Variants in RNF213 observed in about 807,000 individuals in gnomAD.
RNF213 encodes E3 ubiquitin-protein ligase RNF213.
RNF213 carries 341 observed loss-of-function variants against 514.4 expected under a neutral mutation model. That is an observed-to-expected ratio of 0.66 (90% CI 0.61 to 0.73). The LOEUF (loss-of-function observed/expected upper bound fraction) is 0.73. Among genes scored for constraint, RNF213 ranks in the 30% least tolerant of loss-of-function variants. The pLI is 0.00. For synonymous variants in RNF213, 2,655 were observed against 2,658.2 expected, an observed-to-expected ratio of 1.00 and a Z score of 0.04; for missense variants, 5,767 against 6,615.6, an observed-to-expected ratio of 0.87 and a Z score of 4.45.
Position 80,363,619 on chromosome 17 carries a change from C to T in RNF213, c.11579C>T (p.Ala3860Val), listed in dbSNP as rs763352385. ...ELAGCEMTLD[A>V]FAAMACTEML... is the part of the protein sequence containing the mutation. Reference sequence around the variant, plus strand: ...TGTCCGTCTCCCCAGACCCTGGACGCATTTGCCGCAATGGCCTGCACGGAG... The same window carrying T: ...TGTCCGTCTCCCCAGACCCTGGACGTATTTGCCGCAATGGCCTGCACGGAG... The change falls in exon 41 of 68, where the codon GCA becomes GTA. Residue 3860 changes from alanine (A) to valine (V), a missense_variant. Ala to Val is a moderately conservative substitution (Grantham distance 64). Coordinates refer to ENST00000582970, the MANE Select transcript of RNF213 (RefSeq NM_001256071.3). 1.1e-5 allele frequency: 17 copies of T among 1,613,820 alleles called. No individual in the cohort carries two copies. In the South Asian group the frequency reaches 1.4e-4, roughly 14 times the overall value.
At chr17:80,365,954 A>G (rs1456272831) in intron 42 of RNF213, among the ~76,000 whole-genome samples, 2 of 152,130 alleles carry the variant, frequency 1.3e-5, no homozygotes, top group Admixed American at 1.3e-4. Flanking sequence ...TTGGCGATAA[A>G]ATGGCCTCAG....
At chr17:80,297,088 A>G (rs769730543) in intron 10 of RNF213, among the ~76,000 whole-genome samples, 1 of 152,146 alleles carries the variant, frequency 6.6e-6, no homozygotes, top group Non-Finnish European at 1.5e-5. Flanking sequence ...AAGTATGAGG[A>G]ATCATTAATA....
intron 10 of RNF213, 117 bp from the exon 11 acceptor site, chr17:80,298,204 C>T (rs190821352): frequency 2.3e-5 from 24 of 1,046,108 alleles, no homozygotes; most frequent in South Asian, 8.1e-5. Flanking sequence ...CTCAGCCACG[C>T]GCGGTGCTCC....
chr17:80,273,750 GC>G (rs1271538219), intron 3 of RNF213, among the ~76,000 whole-genome samples: 1 of 151,388 alleles, frequency 6.6e-6, no homozygotes, highest in East Asian at 2.0e-4. Flanking sequence ...CTCCCAAGTA[GC>G]TGGGACTACA....
chr17:80,346,503 A>T lies in RNF213; in HGVS notation c.8168A>T (p.Asp2723Val), dbSNP rs2078317677. The T allele has an allele frequency of 3.7e-6, 6 of 1,613,760 alleles. No homozygotes were observed. In the South Asian group the frequency reaches 6.6e-5, roughly 18 times the overall value. Residue 2723 changes from aspartate (D) to valine (V), a missense_variant, in exon 29 of 68, where the codon GAT becomes GTT. Asp to Val is a radical substitution (Grantham distance 152, BLOSUM62 -3). Transcript: ENST00000582970. This position sits in a 1 kb window ranked among gnomAD's most constrained non-coding sequence, Gnocchi z 8.1. Reference sequence around the variant, plus strand: ...TATGACGACAGCAGGCTGCTTCTGGATGAAATAACACGGGCACAGGATCTT... The same window carrying T: ...TATGACGACAGCAGGCTGCTTCTGGTTGAAATAACACGGGCACAGGATCTT... ...KPYDDSRLLL[D>V]EITRAQDLFL... is the part of the protein sequence containing the mutation.
At chr17:80,349,364 A>G (rs548957927) in intron 29 of RNF213, among the ~76,000 whole-genome samples, 1 of 152,192 alleles carries the variant, frequency 6.6e-6, no homozygotes, top group East Asian at 1.9e-4. Context: ...CCTTTGGGAC[A>G]GGAGAATTGC....
At chr17:80,295,482 T>C in intron 9 of RNF213, 75 bp from the exon 10 acceptor site, 1 of 1,580,172 alleles carries the variant, frequency 6.3e-7, no homozygotes, top group Non-Finnish European at 8.7e-7. Context: ...CTAGCTGTGG[T>C]GCTGGGGCAG....
chr17:80,326,295 A>G (rs368092028), intron 18 of RNF213, among the ~76,000 whole-genome samples: 2 of 152,238 alleles, frequency 1.3e-5, no homozygotes, highest in African/African-American at 2.4e-5. Context: ...CAGCCTGTTT[A>G]TAAGTTGGAT....
In RNF213 at chr17:80,351,552, G is replaced by A. The variant is rs1428665528; in HGVS notation, c.10185-133G>A. 3 of 633,434 alleles carry A rather than the reference G, an allele frequency of 4.7e-6. No individual in the cohort carries two copies. The African/African-American group carries it at 5.6e-5, about 12-fold the overall frequency. The allele number at this position is 633,434 out of a possible 1,614,324, so 39.2% of individuals were successfully genotyped here. On this transcript the variant is annotated intron_variant, in intron 31 of 67. Transcript: ENST00000582970. ...AGTTTATGTAAAACTCATCGGAACG[G>A]GTGGCCGTGAGACCGAACCAACAGC...
rs2080694619 is a variant in RNF213 at position 80,397,886 on chromosome 17, G to A, written c.*4388G>A. The A allele has an allele frequency of 6.8e-6, 1 of 147,302 alleles. No individual in the cohort carries two copies. The highest frequency in any genetic ancestry group is 7.0e-5 in the Admixed American group (1 of 14,350). The allele number at this position is 147,302 out of a possible 1,614,324, so 9.1% of individuals were successfully genotyped here. A position where few individuals can be genotyped will look rare whatever the true frequency, so the allele number is the denominator to read the frequency against. On this transcript the variant is annotated 3_prime_UTR_variant, in exon 68 of 68. Transcript: ENST00000582970. The stretch of plus-strand genomic sequence containing the variant: ...TGGAGCATCCCTGTGGAGGACTCCA[G>A]CCAGCTTGAGCGACATGGATCCTGA...
At chr17:80,282,556 G>A (rs577038989) in intron 3 of RNF213, among the ~76,000 whole-genome samples, 84 of 151,790 alleles carry the variant, frequency 5.5e-4, no homozygotes, top group Non-Finnish European at 9.1e-4. Flanking sequence ...CCACCACCAC[G>A]CCCAGCCAAT....
intron 42 of RNF213, 63 bp from the exon 43 acceptor site, chr17:80,367,685 G>A (rs1385426377): frequency 6.7e-6 from 9 of 1,345,246 alleles, no homozygotes; most frequent in Non-Finnish European, 5.3e-6. Context: ...TCCCTCTGTC[G>A]CCCGGCCTGG....
intron 10 of RNF213, among the ~76,000 whole-genome samples, chr17:80,296,300 G>A (rs537738289): frequency 7.9e-5 from 12 of 152,290 alleles, no homozygotes; most frequent in Admixed American, 5.9e-4. Flanking sequence ...GATTGTAGGC[G>A]TGAGCCACCG....
chr17:80,340,446 T>A, intron 26 of RNF213, 90 bp downstream of exon 26: 1 of 1,274,324 alleles, frequency 7.8e-7, no homozygotes, highest in Non-Finnish European at 1.1e-6. Flanking sequence ...TGTCTGCAGG[T>A]GGAGAAACCG....
At chr17:80,304,737 C>G (rs1371518300) in intron 11 of RNF213, among the ~76,000 whole-genome samples, 1 of 152,124 alleles carries the variant, frequency 6.6e-6, no homozygotes, top group African/African-American at 2.4e-5. Context: ...CTCCAGTTTA[C>G]CATGTTAACT....
chr17:80,323,409 C>T (rs1339704215), intron 17 of RNF213, among the ~76,000 whole-genome samples: 1 of 152,126 alleles, frequency 6.6e-6, no homozygotes, highest in African/African-American at 2.4e-5. Flanking sequence ...ATCAGTATGT[C>T]AGTTTCCACT....
At chr17:80,300,190 C>G (rs117459315) in intron 11 of RNF213, among the ~76,000 whole-genome samples, 1 of 152,116 alleles carries the variant, frequency 6.6e-6, no homozygotes, top group South Asian at 2.1e-4. Flanking sequence ...CCTTTTTCTC[C>G]GCAACCTCAC....
At position 80,363,755 on chromosome 17, in the gene RNF213, C is replaced by CG; in HGVS notation, c.11718dup (p.Ser3907GlufsTer58). 1 of 1,613,684 alleles carries CG rather than the reference C, an allele frequency of 6.2e-7. No individual in the cohort carries two copies. On this transcript the variant is annotated frameshift_variant, in exon 41 of 68. Coordinates refer to ENST00000582970, the MANE Select transcript of RNF213 (RefSeq NM_001256071.3). LOFTEE classifies it high-confidence loss of function. ...GCTCCGATGAGCACATGCAAGGCAG[C>CG]GGGAGCCTGGCCCAGGCTGTCATCA...
In RNF213 at chr17:80,381,888, G is replaced by A. The variant is rs1457143700; in HGVS notation, c.13978+161G>A. ...CACACAGAGAGAAAACCGTGTCTAG[G>A]GAAGGCGATGCCTGGGGCTGGAAAA... On this transcript the variant is annotated intron_variant, in intron 57 of 67. Transcript: ENST00000582970. 52 of 737,274 alleles carry A rather than the reference G, an allele frequency of 7.1e-5. 1 individual carries two copies. The South Asian group carries it at 7.3e-4, about 10-fold the overall frequency. The allele number at this position is 737,274 out of a possible 1,614,324, so 45.7% of individuals were successfully genotyped here.
Sources: allele counts gnomAD v4.1 joint callset (sites outside exome capture counted in the v4.1 genomes callset), GRCh38; gene constraint gnomAD v4.1.1; non-coding constraint Gnocchi (gnomAD v3.1); transcripts MANE v1.5; gene names NCBI Gene and HGNC (gene_info 2026-07-23, HGNC 2026-07-21).